Variants in MCM3 observed in about 807,000 individuals in gnomAD.
MCM3 encodes DNA replication licensing factor MCM3.
Under a neutral mutation model 91.3 loss-of-function variants are expected in MCM3, and 59 were observed. The ratio of observed to expected loss-of-function variants is 0.65; its 90% CI spans 0.52 to 0.80. The LOEUF is 0.80. Among genes scored for constraint, MCM3 ranks in the 30% least tolerant of loss-of-function variants. MCM3 has a pLI of 0.00. For synonymous variants in MCM3, 383 were observed against 379.6 expected (o/e 1.01, Z -0.10); for missense variants, 919 against 1,035.4 (o/e 0.89, Z 1.54).
At chr6:52,276,520 T>C (rs762885562) in intron 8 of MCM3, 44 bp from the exon 9 acceptor site, 4 of 1,506,868 alleles carry the variant, frequency 2.7e-6, no homozygotes, top group South Asian at 2.3e-5. Context: ...GTCTAGGTTA[T>C]AGGGGCCAGA....
intron 12 of MCM3, among the ~76,000 whole-genome samples, chr6:52,269,598 T>C (rs1764925536): frequency 6.6e-6 from 1 of 152,136 alleles, no homozygotes. Flanking sequence ...TCTTAATAAC[T>C]TGGAGAAGTT....
intron 4 of MCM3, among the ~76,000 whole-genome samples, chr6:52,279,977 A>G (rs1038358849): frequency 6.6e-6 from 1 of 152,268 alleles, no homozygotes; most frequent in Non-Finnish European, 1.5e-5. Flanking sequence ...CAAAAATTTT[A>G]AAGTGTAAAA....
chr6:52,270,273 G>A (rs1043895059), intron 12 of MCM3, among the ~76,000 whole-genome samples: 1 of 147,578 alleles, frequency 6.8e-6, no homozygotes, highest in African/African-American at 2.5e-5. Context: ...AGGTTGCAGT[G>A]AGCCAAGATC....
intron 6 of MCM3, 41 bp from the exon 7 acceptor site, chr6:52,277,729 A>G: frequency 6.3e-7 from 1 of 1,594,826 alleles, no homozygotes; most frequent in Non-Finnish European, 8.6e-7. Context: ...GTGAGATTCA[A>G]TGGGACTTTG....
chr6:52,264,920 T>C lies in MCM3; in HGVS notation c.2229-134A>G. On this transcript the variant is annotated intron_variant, in intron 16 of 16. Coordinates refer to ENST00000596288, the MANE Select transcript of MCM3 (RefSeq NM_002388.6). ...CAATATTCTTTCTCACACACACATC[T>C]GCCTCTGATGGCAGTGCTACCCTTG... The C allele has an allele frequency of 9.7e-6, 7 of 719,620 alleles. No homozygotes were observed. In the South Asian group the frequency reaches 1.2e-4, roughly 12 times the overall value. The allele number at this position is 719,620 out of a possible 1,614,324, so 44.6% of individuals were successfully genotyped here.
rs1191464194 is a variant in MCM3 at position 52,264,834 on chromosome 6, G to A, written c.2229-48C>T. On this transcript the variant is annotated intron_variant, in intron 16 of 16. Coordinates refer to ENST00000596288, the MANE Select transcript of MCM3 (RefSeq NM_002388.6). ...GGAAGAGGAGTAAACAAACCCAAAT[G>A]CTCTCAGGAAACAGCTATACTAGGA... The A allele has an allele frequency of 4.6e-6, 7 of 1,532,426 alleles. No homozygotes were observed. The South Asian group carries it at 7.8e-5, about 17-fold the overall frequency. The allele number at this position is 1,532,426 out of a possible 1,614,324, so 94.9% of individuals were successfully genotyped here.
chr6:52,266,765 G>T, intron 14 of MCM3, 69 bp from the exon 15 acceptor site: 1 of 1,186,444 alleles, frequency 8.4e-7, no homozygotes, highest in Non-Finnish European at 1.3e-6. Flanking sequence ...GCCCCATCAC[G>T]TGCCTCTAAC....
Position 52,272,284 on chromosome 6 carries a change from C to A in MCM3, c.1827+17G>T. On this transcript the variant is annotated intron_variant, in intron 12 of 16. Transcript: ENST00000596288. ...ATACCTAAGGGACCCCAAGCCTAGGCTCCCCCAGGCACTCACCCTGGCGGT... is the reference window on the plus strand; with the variant it reads ...ATACCTAAGGGACCCCAAGCCTAGGATCCCCCAGGCACTCACCCTGGCGGT... The A allele has an allele frequency of 6.2e-7, 1 of 1,610,786 alleles. No homozygotes were observed. The highest frequency in any genetic ancestry group is 8.5e-7 in the Non-Finnish European group (1 of 1,177,740).
intron 13 of MCM3, among the ~76,000 whole-genome samples, chr6:52,268,805 G>A (rs1252018824): frequency 6.6e-6 from 1 of 152,148 alleles, no homozygotes; most frequent in Non-Finnish European, 1.5e-5. Flanking sequence ...GGGGTAGACA[G>A]AGAAGCAGCT....
At chr6:52,277,733 G>A (rs1212495530) in intron 6 of MCM3, 45 bp from the exon 7 acceptor site, 2 of 1,575,336 alleles carry the variant, frequency 1.3e-6, no homozygotes, top group South Asian at 2.3e-5. Flanking sequence ...GATTCAATGG[G>A]ACTTTGTGGA....
intron 2 of MCM3, 95 bp from the exon 3 acceptor site, chr6:52,282,956 T>C: frequency 1.1e-6 from 1 of 884,450 alleles, no homozygotes; most frequent in Non-Finnish European, 1.7e-6. Flanking sequence ...TTAAAAACAA[T>C]GAGAAAATCC....
At chr6:52,279,275 C>A (rs568685403) in intron 5 of MCM3, 86 bp downstream of exon 5, 3 of 1,190,420 alleles carry the variant, frequency 2.5e-6, no homozygotes, top group East Asian at 4.7e-5. Context: ...ATATAACTCT[C>A]TGGAATATGG....
chr6:52,266,823 C>G (rs1319970411), intron 14 of MCM3, 127 bp from the exon 15 acceptor site: 2 of 749,476 alleles, frequency 2.7e-6, no homozygotes, highest in African/African-American at 3.5e-5. Context: ...AAGCACTAGG[C>G]TTAGGCCTTT....
chr6:52,271,615 C>T (rs1402668673), intron 12 of MCM3, among the ~76,000 whole-genome samples: 1 of 152,102 alleles, frequency 6.6e-6, no homozygotes, highest in African/African-American at 2.4e-5. Flanking sequence ...GCACTCCAGC[C>T]TAGCCAACAA....
chr6:52,276,082 G>A (rs183164472), intron 9 of MCM3, 186 bp downstream of exon 9: 210 of 596,508 alleles, frequency 3.5e-4, no homozygotes, highest in African/African-American at 3.2e-3. Flanking sequence ...ACTTTCCAGG[G>A]GATTCTGCTG....
At chr6:52,277,284 AAC>A in intron 7 of MCM3, 86 bp from the exon 8 acceptor site, 2 of 1,407,116 alleles carry the variant, frequency 1.4e-6, no homozygotes, top group Non-Finnish European at 1.9e-6. Context: ...CTCTTGACAC[AAC>A]AGAGTCACAC....
At chr6:52,281,927 A>G (rs1766133195) in intron 4 of MCM3, 118 bp downstream of exon 4, 4 of 989,230 alleles carry the variant, frequency 4.0e-6, no homozygotes, top group Admixed American at 2.7e-5. Context: ...CTTTGGATTA[A>G]TCCTTATTTT....
At chr6:52,265,570 T>C (rs1179484252) in intron 16 of MCM3, among the ~76,000 whole-genome samples, 1 of 152,240 alleles carries the variant, frequency 6.6e-6, no homozygotes, top group Non-Finnish European at 1.5e-5. Context: ...TCAATGTGTT[T>C]CAAATTTTTT....
At chr6:52,266,990 C>G (rs1463198562) in intron 14 of MCM3, among the ~76,000 whole-genome samples, 1 of 152,014 alleles carries the variant, frequency 6.6e-6, no homozygotes, top group Non-Finnish European at 1.5e-5. Context: ...TATTCAAAAC[C>G]CTCAGTGGTT....
Sources: allele counts gnomAD v4.1 joint callset (sites outside exome capture counted in the v4.1 genomes callset), GRCh38; gene constraint gnomAD v4.1.1; transcripts MANE v1.5; gene names NCBI Gene and HGNC (gene_info 2026-07-23, HGNC 2026-07-21).